Variants in ASNS observed in about 807,000 individuals in gnomAD.
ASNS encodes the protein asparagine synthetase [glutamine-hydrolyzing].
In ASNS, 37 loss-of-function variants were observed where a neutral mutation model predicts 62.6. The ratio of observed to expected loss-of-function variants is 0.59; its 90% CI spans 0.45 to 0.78. The LOEUF (loss-of-function observed/expected upper bound fraction) is 0.78, where lower values mean the gene tolerates loss of function less well. ASNS is among the 30% of genes least tolerant of loss of function. The pLI, the probability that ASNS is intolerant of heterozygous loss-of-function variation, is 0.00. For synonymous variants in ASNS, 207 were observed against 237.9 expected (o/e 0.87, Z 1.19); for missense variants, 520 against 682.4 (o/e 0.76, Z 2.65).
At chr7:97,875,743 C>T (rs1792424966), upstream of ASNS, among the ~76,000 whole-genome samples, 1 of 152,158 alleles carries the variant, frequency 6.6e-6, no homozygotes, top group South Asian at 2.1e-4. Context: ...CATTGATTTT[C>T]CCTAGATATT....
chr7:97,873,197 G>A (rs74468320), upstream of ASNS, among the ~76,000 whole-genome samples: 1,810 of 152,332 alleles, frequency 0.012, 44 homozygotes, highest in African/African-American at 0.042. Flanking sequence ...TCCACAAGAT[G>A]ATTATGTGCT....
chr7:97,852,201 C>A lies in ASNS; in HGVS notation c.*58G>T. On this transcript the variant is annotated 3_prime_UTR_variant, in exon 13 of 13. Transcript: ENST00000394308. ...GACTCTCATTGTTCCCCTATCTACC[C>A]ACAGTCCCCATCCAACACGAAGAAA... The A allele has an allele frequency of 1.3e-6, 2 of 1,576,624 alleles. No homozygotes were observed. The highest frequency in any genetic ancestry group is 1.8e-5 in the Admixed American group (1 of 56,030).
rs35190368 is a variant in ASNS at position 97,851,936 on chromosome 7, A to T, written c.*323T>A. ...GTCCCTAAGATGAGGCAAGGACTGG[A>T]AGGAAGCCACACGGGCACAAGATGC... is the stretch of plus-strand genomic sequence containing the variant. On this transcript the variant is annotated 3_prime_UTR_variant, in exon 13 of 13. Coordinates refer to ENST00000394308, the MANE Select transcript of ASNS (RefSeq NM_001673.5). The T allele has an allele frequency of 0.075, 24,848 of 330,006 alleles. 1,231 individuals are homozygous for T. Among genetic ancestry groups the T allele is most frequent in the African/African-American group, 0.16 (7,676 of 47,228 alleles). The allele number at this position is 330,006 out of a possible 1,614,324, so 20.4% of individuals were successfully genotyped here.
the ASNS span, among the ~76,000 whole-genome samples, chr7:97,898,088 C>T: frequency 4.0e-5 from 6 of 151,892 alleles, no homozygotes; most frequent in African/African-American, 1.2e-4. Context: ...CCACCAAGCG[C>T]GGATACTTTT....
chr7:97,916,579 G>C, the ASNS span, among the ~76,000 whole-genome samples: 11 of 152,274 alleles, frequency 7.2e-5, no homozygotes, highest in East Asian at 2.1e-3. Context: ...AAGACAATAG[G>C]CTGCGTGCAT....
At chr7:97,870,951 G>A (rs753886075) in intron 1 of ASNS, among the ~76,000 whole-genome samples, 11 of 152,078 alleles carry the variant, frequency 7.2e-5, no homozygotes, top group Non-Finnish European at 1.5e-4. Flanking sequence ...ATTTTTATTG[G>A]AATCAGTCTT....
At chr7:97,879,774 G>C in the ASNS span, among the ~76,000 whole-genome samples, 2 of 152,236 alleles carry the variant, frequency 1.3e-5, no homozygotes. Flanking sequence ...AAACCACGTA[G>C]TGATAACTGT....
the ASNS span, among the ~76,000 whole-genome samples, chr7:97,892,312 G>C: frequency 9.9e-5 from 15 of 152,124 alleles, no homozygotes; most frequent in Non-Finnish European, 1.0e-4. Flanking sequence ...TTTCTTCCTA[G>C]GCCTCTGGAC....
chr7:97,858,834 G>GTTT lies in ASNS; in HGVS notation c.775+17_775+19dup, dbSNP rs36021744. The GTTT allele has an allele frequency of 5.9e-5, 94 of 1,587,200 alleles. No homozygotes were observed. Among genetic ancestry groups the GTTT allele is most frequent in the Non-Finnish European group, 7.5e-5 (87 of 1,166,852 alleles). ...TTAAACACACATGAAATATAATTAG[G>GTTT]TTTTTTTAATTGACTTCACCTGATA... On this transcript the variant is annotated intron_variant, in intron 6 of 12. Coordinates refer to ENST00000394308, the MANE Select transcript of ASNS (RefSeq NM_001673.5).
At chr7:97,883,535 T>C in the ASNS span, among the ~76,000 whole-genome samples, 21,781 of 152,092 alleles carry the variant, frequency 0.14, 1,914 homozygotes, top group East Asian at 0.32. Context: ...CACCATCACC[T>C]CCAGCTGTTT....
At chr7:97,869,558 A>G (rs1263178193) in intron 2 of ASNS, among the ~76,000 whole-genome samples, 2 of 152,208 alleles carry the variant, frequency 1.3e-5, no homozygotes, top group African/African-American at 4.8e-5. Flanking sequence ...ACCTAGCCAG[A>G]GATCCTAGCC....
the ASNS span, among the ~76,000 whole-genome samples, chr7:97,918,320 G>C: frequency 6.6e-6 from 1 of 152,204 alleles, no homozygotes; most frequent in Non-Finnish European, 1.5e-5. Flanking sequence ...GACCTAGACA[G>C]CCCACCTCCA....
At chr7:97,904,284 T>TCTCACACACACACA in the ASNS span, among the ~76,000 whole-genome samples, 3 of 135,136 alleles carry the variant, frequency 2.2e-5, no homozygotes, top group African/African-American at 8.4e-5. Context: ...ACTACCAGTT[T>TCTCACACACACACA]CACACACACA....
chr7:97,902,093 C>A, the ASNS span, among the ~76,000 whole-genome samples: 134,418 of 152,168 alleles, frequency 0.88, 59,442 homozygotes, highest in Middle Eastern at 0.93. Context: ...CAGCAAAGTC[C>A]ATTTGGAAAG....
At chr7:97,925,412 C>A in the ASNS span, among the ~76,000 whole-genome samples, 1 of 152,232 alleles carries the variant, frequency 6.6e-6, no homozygotes, top group East Asian at 1.9e-4. Context: ...GCTCACGTAC[C>A]ACTCCCTTGC....
At chr7:97,919,096 G>GC in the ASNS span, among the ~76,000 whole-genome samples, 18 of 151,600 alleles carry the variant, frequency 1.2e-4, no homozygotes, top group East Asian at 3.5e-3. Context: ...ACATAGTCTC[G>GC]CTCTATTGCC....
At chr7:97,921,497 G>A in the ASNS span, among the ~76,000 whole-genome samples, 1 of 152,160 alleles carries the variant, frequency 6.6e-6, no homozygotes, top group Non-Finnish European at 1.5e-5. Flanking sequence ...GCTACAGCCT[G>A]CCTCCTCTGC....
At chr7:97,871,319 A>G (rs1340747745) in intron 1 of ASNS, among the ~76,000 whole-genome samples, 2 of 152,236 alleles carry the variant, frequency 1.3e-5, no homozygotes, top group Non-Finnish European at 2.9e-5. Context: ...GCTAGCGCCT[A>G]CCGAACTGGA....
At chr7:97,921,387 AG>A in the ASNS span, among the ~76,000 whole-genome samples, 1 of 152,222 alleles carries the variant, frequency 6.6e-6, no homozygotes, top group African/African-American at 2.4e-5. Context: ...CTATTGTAGC[AG>A]GAAAGCAGCC....
Sources: allele counts gnomAD v4.1 joint callset (sites outside exome capture counted in the v4.1 genomes callset), GRCh38; gene constraint gnomAD v4.1.1; transcripts MANE v1.5; gene names NCBI Gene and HGNC (gene_info 2026-07-23, HGNC 2026-07-21).